Variants in ARHGEF26 observed in about 807,000 individuals in gnomAD.
ARHGEF26 encodes Rho guanine nucleotide exchange factor 26, also known as Rho guanine nucleotide exchange factor (GEF) 26.
A neutral mutation model predicts 89.4 loss-of-function variants in ARHGEF26; 59 were observed. The ratio of observed to expected loss-of-function variants is 0.66; its 90% confidence interval spans 0.54 to 0.82. The LOEUF (loss-of-function observed/expected upper bound fraction) is 0.82. ARHGEF26 is among the 40% of genes least tolerant of loss of function. The probability of loss-of-function intolerance (pLI) is 0.00; values close to 1 mark genes in which losing one functional copy is unlikely to be tolerated. For synonymous variants in ARHGEF26, 500 were observed against 428.4 expected (o/e 1.17, Z -2.06); for missense variants, 1,234 against 1,085.6 (o/e 1.14, Z -1.92).
At chr3:154,147,110 A>G (rs935799598) in intron 4 of ARHGEF26, among the ~76,000 whole-genome samples, 15 of 152,332 alleles carry the variant, frequency 9.8e-5, no homozygotes, top group African/African-American at 3.6e-4. Context: ...TGAAATGTAT[A>G]TTTTAAAAAT....
Position 154,256,806 on chromosome 3 carries a change from C to A in ARHGEF26, c.*1333C>A, listed in dbSNP as rs868109822. On this transcript the variant is annotated 3_prime_UTR_variant, in exon 15 of 15. Transcript: ENST00000465093. ...ATTCTATTTGCACTAAAAGCCTTAA[C>A]TTGCTGTATTCAGAGTCCCTCTTAA... is the stretch of plus-strand genomic sequence containing the variant. 3 of 1,503,726 alleles carry A rather than the reference C, an allele frequency of 2.0e-6. No individual in the cohort carries two copies. The highest frequency in any genetic ancestry group is 2.8e-5 in the African/African-American group (2 of 71,062). The allele number at this position is 1,503,726 out of a possible 1,614,324, so 93.1% of individuals were successfully genotyped here.
At chr3:154,136,523 T>C (rs1424451165) in intron 4 of ARHGEF26, among the ~76,000 whole-genome samples, 1 of 152,140 alleles carries the variant, frequency 6.6e-6, no homozygotes, top group Non-Finnish European at 1.5e-5. Flanking sequence ...TTTCATTCCA[T>C]TGAAAATGCA....
intron 10 of ARHGEF26, among the ~76,000 whole-genome samples, chr3:154,221,793 G>A (rs1025450541): frequency 2.7e-4 from 41 of 152,308 alleles, no homozygotes; most frequent in Admixed American, 1.4e-3. Context: ...GTCATTACCC[G>A]TGAGGGGCAG....
intron 11 of ARHGEF26, among the ~76,000 whole-genome samples, chr3:154,231,695 T>C (rs1262041484): frequency 1.3e-5 from 2 of 152,218 alleles, no homozygotes; most frequent in Non-Finnish European, 2.9e-5. Context: ...AATTGCTACA[T>C]AGCTGAAGGT....
At chr3:154,244,926 G>A (rs900947471) in intron 12 of ARHGEF26, among the ~76,000 whole-genome samples, 3 of 151,844 alleles carry the variant, frequency 2.0e-5, no homozygotes, top group African/African-American at 7.3e-5. Flanking sequence ...TGCTCAGTTT[G>A]GCTTGTTCTG....
In ARHGEF26 at chr3:154,254,765, C is replaced by T; in HGVS notation, c.2414C>T (p.Pro805Leu). Residue 805 changes from proline (P) to leucine (L), a missense_variant, in exon 14 of 15, where the codon CCA (proline) becomes CTA (leucine). Physicochemically the swap from Pro to Leu is moderately conservative, Grantham distance 98. Coordinates refer to ENST00000465093, the MANE Select transcript of ARHGEF26 (RefSeq NM_015595.4). Reference protein sequence around the residue: ...EIVRSFTAKQPDELSLQVADV... With the variant: ...EIVRSFTAKQLDELSLQVADV... ...GTTAGGTCATTTACTGCTAAGCAGC[C>T]AGATGAACTCTCCCTGCAGGTGGCT... is the stretch of plus-strand genomic sequence containing the variant. 1 of 1,613,886 alleles carries T rather than the reference C, an allele frequency of 6.2e-7. No homozygotes were observed. The highest frequency in any genetic ancestry group is 8.5e-7 in the Non-Finnish European group (1 of 1,179,852).
At chr3:154,176,995 A>G (rs569510883) in intron 6 of ARHGEF26, among the ~76,000 whole-genome samples, 15 of 152,224 alleles carry the variant, frequency 9.9e-5, no homozygotes, top group African/African-American at 3.1e-4. Context: ...GAGAAGAGTA[A>G]ATACCATAAA....
At chr3:154,196,631 A>G (rs1714306725) in intron 9 of ARHGEF26, among the ~76,000 whole-genome samples, 1 of 152,156 alleles carries the variant, frequency 6.6e-6, no homozygotes, top group African/African-American at 2.4e-5. Flanking sequence ...ACTTAAATTC[A>G]TCTCTTCATC....
At chr3:154,250,309 G>T (rs940995868) in intron 12 of ARHGEF26, among the ~76,000 whole-genome samples, 2 of 152,128 alleles carry the variant, frequency 1.3e-5, no homozygotes, top group Non-Finnish European at 2.9e-5. Flanking sequence ...TTACAAGTGT[G>T]AGCCGCCCCG....
At chr3:154,186,380 TATATC>T (rs1381871057) in intron 6 of ARHGEF26, among the ~76,000 whole-genome samples, 3 of 152,110 alleles carry the variant, frequency 2.0e-5, no homozygotes, top group Non-Finnish European at 4.4e-5. Context: ...TATAATGATA[TATATC>T]ATATGTGTAT....
At position 154,256,738 on chromosome 3, in the gene ARHGEF26, A is replaced by T. The variant is rs1718542748; in HGVS notation, c.*1265A>T. ...AGGCCTTAAAAGATACCAAGAAGTC[A>T]GCATGGTACCCAATTGAAACCTTTT... On this transcript the variant is annotated 3_prime_UTR_variant, in exon 15 of 15. Coordinates refer to ENST00000465093, the MANE Select transcript of ARHGEF26 (RefSeq NM_015595.4). The T allele has an allele frequency of 7.2e-7, 1 of 1,389,088 alleles. No homozygotes were observed. Among genetic ancestry groups the T allele is most frequent in the African/African-American group, 1.5e-5 (1 of 68,060 alleles). The allele number at this position is 1,389,088 out of a possible 1,614,324, so 86.0% of individuals were successfully genotyped here. A position where few individuals can be genotyped will look rare whatever the true frequency, so the allele number is the denominator to read the frequency against.
At chr3:154,133,617 T>C (rs1026442834) in intron 4 of ARHGEF26, among the ~76,000 whole-genome samples, 2 of 152,036 alleles carry the variant, frequency 1.3e-5, no homozygotes, top group Admixed American at 6.5e-5. Flanking sequence ...TGTAGCCCTG[T>C]AGTGTAGTTT....
chr3:154,130,865 T>G lies in ARHGEF26; in HGVS notation c.1269+1146T>G, dbSNP rs777053423. Among the ~76,000 whole-genome samples the G allele has an allele frequency of 5.8e-4, 88 of 152,070 alleles. 1 individual carries two copies. The highest frequency in any genetic ancestry group is 7.2e-4 in the Non-Finnish European group (49 of 68,012). ...CTTGTGTATTTAGGGAACCCACTGGTGTAAGAAAAGGAGTTGTTAATGTTG... is the reference window on the plus strand; with the variant it reads ...CTTGTGTATTTAGGGAACCCACTGGGGTAAGAAAAGGAGTTGTTAATGTTG... On this transcript the variant is annotated intron_variant, in intron 4 of 14. Coordinates refer to ENST00000465093, the MANE Select transcript of ARHGEF26 (RefSeq NM_015595.4).
chr3:154,137,374 A>G (rs1288717087), intron 4 of ARHGEF26, among the ~76,000 whole-genome samples: 1 of 152,188 alleles, frequency 6.6e-6, no homozygotes, highest in African/African-American at 2.4e-5. Flanking sequence ...GAAGGCTCTC[A>G]CCAAATGTAG....
intron 4 of ARHGEF26, among the ~76,000 whole-genome samples, chr3:154,147,831 C>T (rs1719789517): frequency 6.6e-6 from 1 of 151,930 alleles, no homozygotes; most frequent in African/African-American, 2.4e-5. Context: ...GCCTTTCTTC[C>T]TTATTTCCAC....
At chr3:154,179,153 T>A (rs1424453324) in intron 6 of ARHGEF26, among the ~76,000 whole-genome samples, 1 of 152,194 alleles carries the variant, frequency 6.6e-6, no homozygotes, top group Non-Finnish European at 1.5e-5. Context: ...TTGAAAATCA[T>A]CCAATAGCCA....
intron 6 of ARHGEF26, among the ~76,000 whole-genome samples, chr3:154,168,528 G>A (rs535955474): frequency 2.6e-4 from 39 of 152,194 alleles, no homozygotes; most frequent in African/African-American, 8.9e-4. Context: ...AGTGAACCGA[G>A]ATCACTCCAC....
At chr3:154,203,312 A>G (rs1344482564) in intron 9 of ARHGEF26, among the ~76,000 whole-genome samples, 1 of 152,062 alleles carries the variant, frequency 6.6e-6, no homozygotes, top group Non-Finnish European at 1.5e-5. Context: ...ATTGATTTGC[A>G]TATATTGAAC....
At chr3:154,142,996 T>C (rs1339654178) in intron 4 of ARHGEF26, among the ~76,000 whole-genome samples, 2 of 152,238 alleles carry the variant, frequency 1.3e-5, no homozygotes, top group Non-Finnish European at 2.9e-5. Context: ...CTCTAGTTTC[T>C]CTTTGGGGCA....
Sources: allele counts gnomAD v4.1 joint callset (sites outside exome capture counted in the v4.1 genomes callset), GRCh38; gene constraint gnomAD v4.1.1; transcripts MANE v1.5; gene names NCBI Gene and HGNC (gene_info 2026-07-23, HGNC 2026-07-21).